Variants in TENM2 observed in about 807,000 individuals in gnomAD.
The protein encoded by TENM2 is teneurin-2.
TENM2 carries 52 observed loss-of-function variants against 245.2 expected under a neutral mutation model. That is an observed-to-expected ratio of 0.21 (90% CI 0.17 to 0.27). The LOEUF (loss-of-function observed/expected upper bound fraction) is 0.27. TENM2 is among the 10% of genes least tolerant of loss of function. The pLI is 1.00. For synonymous variants in TENM2, 1,363 were observed against 1,438.9 expected, an observed-to-expected ratio of 0.95 and a Z score of 1.19; for missense variants, 3,046 against 3,666.8, an observed-to-expected ratio of 0.83 and a Z score of 4.37.
At chr5:167,929,059 G>GAGAAAGAAAGAAAGAAAGAAAAGAA (rs1778012672) in intron 3 of TENM2, among the ~76,000 whole-genome samples, 1 of 77,442 alleles carries the variant, frequency 1.3e-5, no homozygotes, top group African/African-American at 4.8e-5. Context: ...GAAAGAAAGA[G>GAGAAAGAAAGAAAGAAAGAAAAGAA]AGAAAGAAAG....
intron 1 of TENM2, among the ~76,000 whole-genome samples, chr5:167,350,572 G>GAT (rs1561883248): frequency 7.7e-6 from 1 of 129,854 alleles, no homozygotes; most frequent in Non-Finnish European, 1.7e-5. Context: ...GATATATATA[G>GAT]ATATATATAT....
intron 2 of TENM2, among the ~76,000 whole-genome samples, chr5:167,777,655 C>A (rs936215289): frequency 1.7e-4 from 26 of 152,104 alleles, no homozygotes; most frequent in Non-Finnish European, 2.1e-4. Flanking sequence ...TGCCTAACAG[C>A]CAGGGTTGTT....
chr5:167,648,485 T>G (rs1780113319), intron 2 of TENM2, among the ~76,000 whole-genome samples: 1 of 152,202 alleles, frequency 6.6e-6, no homozygotes, highest in Non-Finnish European at 1.5e-5. Flanking sequence ...ACAACAGGAC[T>G]GAATATTAGA....
intron 2 of TENM2, among the ~76,000 whole-genome samples, chr5:167,656,978 C>T (rs916706280): frequency 1.4e-5 from 2 of 138,116 alleles, no homozygotes; most frequent in Non-Finnish European, 1.5e-5. Flanking sequence ...CATTCAAAAT[C>T]TTCCTTCTAG....
intron 2 of TENM2, among the ~76,000 whole-genome samples, chr5:167,631,215 C>T (rs1158704984): frequency 6.6e-6 from 1 of 152,032 alleles, no homozygotes; most frequent in African/African-American, 2.4e-5. Flanking sequence ...ACAATTACTT[C>T]AGCTAGTGAT....
intron 20 of TENM2, chr5:168,214,702 T>C (rs1204454145): frequency 2.3e-6 from 1 of 426,532 alleles, no homozygotes; most frequent in Non-Finnish European, 4.6e-6. Context: ...TTAAGGAGAC[T>C]GCACACACAT....
intron 1 of TENM2, among the ~76,000 whole-genome samples, chr5:167,347,520 C>A (rs915686038): frequency 1.3e-5 from 2 of 152,168 alleles, no homozygotes; most frequent in Admixed American, 1.3e-4. Flanking sequence ...ATGTATTTGT[C>A]ATCTGCCATG....
chr5:168,148,465 A>G (rs1414816800), intron 12 of TENM2, among the ~76,000 whole-genome samples: 1 of 152,236 alleles, frequency 6.6e-6, no homozygotes, highest in Non-Finnish European at 1.5e-5. Flanking sequence ...CAAAATTTGT[A>G]GATAAAGACC....
At chr5:168,150,685 A>G (rs1172090496) in intron 12 of TENM2, among the ~76,000 whole-genome samples, 2 of 152,212 alleles carry the variant, frequency 1.3e-5, no homozygotes, top group African/African-American at 2.4e-5. Context: ...ATGAAGTTAA[A>G]AGCAGAAGAT....
chr5:167,779,426 G>A (rs769709690), intron 2 of TENM2, among the ~76,000 whole-genome samples: 1 of 152,300 alleles, frequency 6.6e-6, no homozygotes, highest in South Asian at 2.1e-4. Context: ...TTTCAATGGG[G>A]TTAGGTGAGA....
rs560270325 is a variant in TENM2, at chr5:167,765,185, G to A, written c.503-110801G>A. On this transcript the variant is annotated intron_variant, in intron 2 of 28. Coordinates refer to ENST00000518659, the Ensembl canonical transcript of TENM2. ...GAAGCTGAACAGAAAGCACTTAAAG[G>A]GAGGATGCATTACCTTAAAATATGC... Among the ~76,000 whole-genome samples the A allele has an allele frequency of 5.3e-5, 8 of 152,258 alleles. No individual in the cohort carries two copies. The South Asian group carries it at 1.7e-3, about 32-fold the overall frequency.
intron 1 of TENM2, among the ~76,000 whole-genome samples, chr5:167,314,326 T>C (rs1462314706): frequency 6.6e-6 from 1 of 152,178 alleles, no homozygotes; most frequent in African/African-American, 2.4e-5. Context: ...CTGAATTTCA[T>C]TAAGTAGGTT....
chr5:167,639,231 G>A (rs1229905860), intron 2 of TENM2, among the ~76,000 whole-genome samples: 3 of 152,144 alleles, frequency 2.0e-5, no homozygotes, highest in Non-Finnish European at 2.9e-5. Context: ...ATTTTGGCTG[G>A]TGTATTAATT....
At chr5:167,870,338 G>A (rs149648175) in intron 2 of TENM2, among the ~76,000 whole-genome samples, 3 of 152,022 alleles carry the variant, frequency 2.0e-5, no homozygotes, top group African/African-American at 7.2e-5. Context: ...TCATTTGTTA[G>A]CACTTTTGTC....
intron 1 of TENM2, among the ~76,000 whole-genome samples, chr5:167,299,153 C>T (rs1175345216): frequency 6.6e-6 from 1 of 152,152 alleles, no homozygotes; most frequent in Non-Finnish European, 1.5e-5. Context: ...TCCGTTCTAC[C>T]TTTCCTGAAG....
At chr5:167,895,869 C>G (rs1211145300) in intron 3 of TENM2, among the ~76,000 whole-genome samples, 1 of 152,190 alleles carries the variant, frequency 6.6e-6, no homozygotes, top group Non-Finnish European at 1.5e-5. Flanking sequence ...ATGCAGAGAA[C>G]TAGATAACAG....
chr5:167,324,934 G>T lies in TENM2; in HGVS notation c.226+39871G>T, dbSNP rs541605469. On this transcript the variant is annotated intron_variant, in intron 1 of 28. Coordinates refer to ENST00000518659, the Ensembl canonical transcript of TENM2. Reference sequence around the variant, plus strand: ...AATTCGGCTTAACCTGACCCAGAGTGGCACATTACAAGAAACTGCCTCAGT... The same window carrying T: ...AATTCGGCTTAACCTGACCCAGAGTTGCACATTACAAGAAACTGCCTCAGT... Among the ~76,000 whole-genome samples, 9 of 152,218 alleles carry T rather than the reference G, an allele frequency of 5.9e-5. No individual in the cohort carries two copies. In the South Asian group the frequency reaches 1.9e-3, roughly 32 times the overall value.
the TENM2 span, among the ~76,000 whole-genome samples, chr5:167,214,048 G>C: frequency 5.3e-5 from 8 of 152,100 alleles, no homozygotes; most frequent in African/African-American, 1.4e-4. Flanking sequence ...CCATAATGTC[G>C]ATCAACATGG....
the TENM2 span, among the ~76,000 whole-genome samples, chr5:167,107,042 C>T: frequency 3.0e-4 from 44 of 147,072 alleles, no homozygotes; most frequent in African/African-American, 1.1e-3. Flanking sequence ...CTCAGGAGTT[C>T]GAGACCAGCC....
Sources: allele counts gnomAD v4.1 joint callset (sites outside exome capture counted in the v4.1 genomes callset), GRCh38; gene constraint gnomAD v4.1.1; transcripts MANE v1.5; gene names NCBI Gene and HGNC (gene_info 2026-07-23, HGNC 2026-07-21).